Variants in TTN observed in about 807,000 individuals in gnomAD.
The protein encoded by TTN is titin.
A neutral mutation model predicts 3,223.0 loss-of-function variants in TTN; 1,525 were observed. The ratio of observed to expected loss-of-function variants is 0.47; its 90% CI spans 0.45 to 0.49. The LOEUF is 0.49. TTN is among the 20% of genes least tolerant of loss of function. The pLI is 0.00. For synonymous variants in TTN, 14,094 were observed against 15,161.0 expected (o/e 0.93, Z 5.17); for missense variants, 40,786 against 43,424.0 (o/e 0.94, Z 5.40).
chr2:178,634,351 CA>C lies in TTN; in HGVS notation c.42415+14del. On this transcript the variant is annotated intron_variant, in intron 230 of 362. Coordinates refer to ENST00000589042, the MANE Select transcript of TTN (RefSeq NM_001267550.2). This position sits in a 1 kb window ranked among gnomAD's most constrained non-coding sequence, Gnocchi z 4.6. Reference sequence around the variant, plus strand: ...TGCCTTTATGGGATGTCACAGATCTCATTAGCTCGCTTACCTGTGACAAACA... The same window carrying C: ...TGCCTTTATGGGATGTCACAGATCTCTTAGCTCGCTTACCTGTGACAAACA... The C allele has an allele frequency of 6.3e-7, 1 of 1,596,144 alleles. No individual in the cohort carries two copies. Among genetic ancestry groups the C allele is most frequent in the Non-Finnish European group, 8.5e-7 (1 of 1,175,718 alleles).
rs1219240858 is a variant in TTN, at chr2:178,647,157, T to C, written c.40142-13A>G. 5 of 1,355,176 alleles carry C rather than the reference T, an allele frequency of 3.7e-6. No homozygotes were observed. The highest frequency in any genetic ancestry group is 3.0e-5 in the Admixed American group (1 of 33,384). The allele number at this position is 1,355,176 out of a possible 1,614,324, so 83.9% of individuals were successfully genotyped here. On this transcript the variant is annotated splice_polypyrimidine_tract_variant and intron_variant, in intron 214 of 362. Transcript: ENST00000589042. ...GGAGTCTCTTCAACTTTAAAAAACATAGTATTTTATTTTAGACTATATTTA... is the reference window on the plus strand; with the variant it reads ...GGAGTCTCTTCAACTTTAAAAAACACAGTATTTTATTTTAGACTATATTTA...
chr2:178,790,698 A>G lies in TTN; in HGVS notation c.1800+10T>C, dbSNP rs767071465. ...CAAGAGTGACTTTCACATTGGCAGG[A>G]AGTCATCACCTTTTCATAACTTAGG... On this transcript the variant is annotated intron_variant, in intron 11 of 362. Coordinates refer to ENST00000589042, the MANE Select transcript of TTN (RefSeq NM_001267550.2). The G allele has an allele frequency of 1.4e-5, 23 of 1,613,952 alleles. No individual in the cohort carries two copies. In the African/African-American group the frequency reaches 3.1e-4, roughly 22 times the overall value.
In TTN at chr2:178,568,784, C is replaced by T. The variant is rs777428147; in HGVS notation, c.77348G>A (p.Arg25783Gln). The change falls in exon 326 of 363, where the codon CGG becomes CAG. Residue 25783 changes from arginine (R) to glutamine (Q), a missense_variant. Coordinates refer to ENST00000589042, the MANE Select transcript of TTN (RefSeq NM_001267550.2). ...GGCAACTATTGGAACTGCAAGGGAC[C>T]GAGGATCACTTCTCCCCTTTTCATT... ...AVNEKGRSDP[R>Q]SLAVPIVAKD... 66 of 1,612,694 alleles carry T rather than the reference C, an allele frequency of 4.1e-5. No individual in the cohort carries two copies. The highest frequency in any genetic ancestry group is 6.7e-5 in the East Asian group (3 of 44,750).
At chr2:178,606,206 A>G (rs2154196073) in intron 278 of TTN, among the ~76,000 whole-genome samples, 1 of 152,122 alleles carries the variant, frequency 6.6e-6, no homozygotes, top group Admixed American at 6.6e-5. Flanking sequence ...TTCCTGAAGG[A>G]CCAAACTAAG....
In TTN at chr2:178,778,549, A is replaced by G. The variant is rs183517244; in HGVS notation, c.4208+325T>C. ...AGATTCCCAGGGCCTCAGTGTTCCT[A>G]TTTCCAAACCAATAATAGTCATCTT... is the stretch of plus-strand genomic sequence containing the variant. On this transcript the variant is annotated intron_variant, in intron 24 of 362. Transcript: ENST00000589042. 2.5e-3 allele frequency: 895 copies of G among 364,480 alleles called. 4 individuals carry two copies. Among genetic ancestry groups the G allele is most frequent in the Non-Finnish European group, 3.6e-3 (697 of 192,718 alleles). 22.6% of individuals were successfully genotyped at this position (364,480 alleles called of 1,614,324 possible).
rs371019783 is a variant in TTN at position 178,577,965 on chromosome 2, T to G, written c.68527+23A>C. ...TCTTCATGTAAAACATGCACCTGGGTTTTTCTTCATATAATGACTTACCAA... is the reference window on the plus strand; with the variant it reads ...TCTTCATGTAAAACATGCACCTGGGGTTTTCTTCATATAATGACTTACCAA... On this transcript the variant is annotated intron_variant, in intron 322 of 362. Coordinates refer to ENST00000589042, the MANE Select transcript of TTN (RefSeq NM_001267550.2). 5.0e-6 allele frequency: 8 copies of G among 1,599,750 alleles called. No homozygotes were observed. In the African/African-American group the frequency reaches 1.1e-4, roughly 22 times the overall value.
In TTN at chr2:178,569,278, T is replaced by C. The variant is rs192902075; in HGVS notation, c.76854A>G (p.Val25618=). The C allele has an allele frequency of 5.0e-5, 81 of 1,609,612 alleles. 1 individual carries two copies. The African/African-American group carries it at 6.3e-4, about 12-fold the overall frequency. Residue 25618 remains valine (V), a synonymous_variant, in exon 326 of 363, where the codon GTA becomes GTG. Transcript: ENST00000589042. ...LKVTEITKDS[V]SITWEPPLLD... The stretch of plus-strand genomic sequence containing the variant: ...ACAAAGGAGGTTCCCATGTAATTGA[T>C]ACTGAGTCTTTGGTGATTTCTGTGA...
In TTN at chr2:178,591,856, T is replaced by A; in HGVS notation, c.59963A>T (p.Asp19988Val). ...TAGGGAGACTTCAGTCTTGTCAACATCTACATGGTGCAGGTCCTTGGGTGG... is the reference window on the plus strand; with the variant it reads ...TAGGGAGACTTCAGTCTTGTCAACAACTACATGGTGCAGGTCCTTGGGTGG... ...PGPPKDLHHV[D>V]VDKTEVSLVW... is the part of the protein sequence containing the mutation. Residue 19988 changes from aspartate to valine, a missense_variant, in exon 303 of 363, where the codon GAT becomes GTT. Physicochemically the swap from Asp to Val is radical, Grantham distance 152. Coordinates refer to ENST00000589042, the MANE Select transcript of TTN (RefSeq NM_001267550.2). The A allele has an allele frequency of 1.2e-6, 2 of 1,613,300 alleles. No individual in the cohort carries two copies.
rs1163103954 is a variant in TTN at position 178,565,037 on chromosome 2, ATTG to A, written c.81092_81094del (p.Thr27031del). 8.1e-6 allele frequency: 13 copies of A among 1,613,480 alleles called. No individual in the cohort carries two copies. In the African/African-American group the frequency reaches 1.1e-4, roughly 13 times the overall value. On this transcript the variant is annotated inframe_deletion, in exon 326 of 363. Transcript: ENST00000589042. Reference sequence around the variant, plus strand: ...GCCTGTTTTCAGTTTGGTTATTTTAATTGTTGTTCTTGCAACTGTTGCTGATAC... The same window carrying A: ...GCCTGTTTTCAGTTTGGTTATTTTAATTGTTCTTGCAACTGTTGCTGATAC...
intron 94 of TTN, 45 bp downstream of exon 94, chr2:178,712,652 A>T: frequency 1.2e-6 from 2 of 1,606,602 alleles, no homozygotes; most frequent in Non-Finnish European, 1.7e-6. Flanking sequence ...ACAAAGACAC[A>T]TCTAATTACT....
chr2:178,600,702 G>C (rs969402968), intron 288 of TTN, 152 bp downstream of exon 288: 1 of 865,932 alleles, frequency 1.2e-6, no homozygotes, highest in African/African-American at 1.7e-5. Flanking sequence ...GAAATTGAAG[G>C]AATGAGTAAT....
chr2:178,774,520 G>T, intron 29 of TTN, 47 bp from the exon 30 acceptor site: 2 of 1,576,278 alleles, frequency 1.3e-6, no homozygotes, highest in Non-Finnish European at 1.7e-6. Context: ...GGAGAGGTAT[G>T]CATCTAGACT....
In TTN at chr2:178,718,016, A is replaced by G. The variant is rs759022427; in HGVS notation, c.24990T>C (p.Asp8330=). The change falls in exon 86 of 363, where the codon GAT becomes GAC. Residue 8330 remains aspartate, a synonymous_variant. Coordinates refer to ENST00000589042, the MANE Select transcript of TTN (RefSeq NM_001267550.2). The part of the protein sequence containing the change: ...SLVINKVDHS[D]VGEYSCKADN... ...CTGCCTTGCATGAATACTCTCCCAC[A>G]TCACTGTGATCCACTTTGTTGATTA... is the stretch of plus-strand genomic sequence containing the variant. 8.7e-6 allele frequency: 14 copies of G among 1,613,764 alleles called. No individual in the cohort carries two copies. Among genetic ancestry groups the G allele is most frequent in the Non-Finnish European group, 2.5e-6 (3 of 1,179,708 alleles).
Position 178,543,825 on chromosome 2 carries a change from A to C in TTN, c.96310+9T>G. On this transcript the variant is annotated intron_variant, in intron 346 of 362. Transcript: ENST00000589042. The stretch of plus-strand genomic sequence containing the variant: ...TCATTGTATAGCCAATTTTAAGTAA[A>C]ATGCTTACCATAGACTTTAACAAGG... 6.2e-7 allele frequency: 1 copy of C among 1,612,366 alleles called. No homozygotes were observed. The highest frequency in any genetic ancestry group is 8.5e-7 in the Non-Finnish European group (1 of 1,178,716).
intron 13 of TTN, among the ~76,000 whole-genome samples, chr2:178,786,481 GA>G (rs1346043846): frequency 1.3e-5 from 2 of 152,162 alleles, no homozygotes; most frequent in Non-Finnish European, 2.9e-5. Context: ...TGGAAAATCA[GA>G]ATTTTGGAGC....
rs2154290001 is a variant in TTN, at chr2:178,702,527, GCTCT to G, written c.30356_30359del (p.Glu10119AlafsTer15). On this transcript the variant is annotated frameshift_variant, in exon 107 of 363. Coordinates refer to ENST00000589042, the MANE Select transcript of TTN (RefSeq NM_001267550.2). LOFTEE classifies it high-confidence loss of function. ...CATCATTCCTGAAGTTGTATTTCTGGCTCTCTGTCAGTTCTGTTGGTCCTTTGTA... is the reference window on the plus strand; with the variant it reads ...CATCATTCCTGAAGTTGTATTTCTGGCTGTCAGTTCTGTTGGTCCTTTGTA... 1.2e-6 allele frequency: 2 copies of G among 1,613,876 alleles called. No individual in the cohort carries two copies. The highest frequency in any genetic ancestry group is 1.7e-6 in the Non-Finnish European group (2 of 1,179,866).
rs1384645291 is a variant in TTN at position 178,673,623 on chromosome 2, T to C, written c.34786+10A>G. 6.4e-7 allele frequency: 1 copy of C among 1,556,206 alleles called. No homozygotes were observed. Among genetic ancestry groups the C allele is most frequent in the African/African-American group, 1.4e-5 (1 of 71,312 alleles). ...AAGTTAAAGATATTAATAATGAGGA[T>C]TTGATATACCTTTAGCTGGTGGTGC... On this transcript the variant is annotated intron_variant, in intron 152 of 362. Coordinates refer to ENST00000589042, the MANE Select transcript of TTN (RefSeq NM_001267550.2).
At chr2:178,638,556 CTT>C (rs879843623) in intron 223 of TTN, among the ~76,000 whole-genome samples, 8 of 141,744 alleles carry the variant, frequency 5.6e-5, no homozygotes, top group Admixed American at 2.1e-4. Context: ...AAATAGTTCT[CTT>C]TTTTTTTTTT....
At position 178,619,972 on chromosome 2, in the gene TTN, T is replaced by C; in HGVS notation, c.46429+16A>G. The C allele has an allele frequency of 6.2e-7, 1 of 1,601,808 alleles. No individual in the cohort carries two copies. The highest frequency in any genetic ancestry group is 8.5e-7 in the Non-Finnish European group (1 of 1,175,912). On this transcript the variant is annotated intron_variant, in intron 249 of 362. Coordinates refer to ENST00000589042, the MANE Select transcript of TTN (RefSeq NM_001267550.2). ...AAATTGGTAACATTAGAATTGTTTT[T>C]TCACTTAATATGTACCTTCCACAAA...
Sources: allele counts gnomAD v4.1 joint callset (sites outside exome capture counted in the v4.1 genomes callset), GRCh38; gene constraint gnomAD v4.1.1; non-coding constraint Gnocchi (gnomAD v3.1); transcripts MANE v1.5; gene names NCBI Gene and HGNC (gene_info 2026-07-23, HGNC 2026-07-21).